The following ADAMTS6 variants were observed in gnomAD, a reference collection of about 807,000 sequenced individuals.
ADAMTS6 encodes the protein ADAM metallopeptidase with thrombospondin type 1 motif 6.
ADAMTS6 carries 23 observed loss-of-function variants against 144.3 expected under a neutral mutation model. That is an observed-to-expected ratio of 0.16 (90% confidence interval 0.11 to 0.23). ADAMTS6 has a LOEUF of 0.23. ADAMTS6 is among the 10% of genes least tolerant of loss of function. The pLI is 1.00. For missense variants in ADAMTS6, 999 were observed against 1,379.6 expected (o/e 0.72, Z 4.37); for synonymous variants, 444 against 457.5 (o/e 0.97, Z 0.38).
At chr5:65,158,611 A>G (rs79533974) in intron 24 of ADAMTS6, among the ~76,000 whole-genome samples, 57 of 152,330 alleles carry the variant, frequency 3.7e-4, no homozygotes, top group Admixed American at 2.6e-3. Flanking sequence ...CAACTGACAT[A>G]TGTACTTCAA....
At position 65,354,433 on chromosome 5, in the gene ADAMTS6, ATAGACT is replaced by A. The variant is rs1402582536; in HGVS notation, c.1074-20354_1074-20349del. ...AATAATGTATATATACATTATCTAG[ATAGACT>A]TAGATAATGTATATAAGCTGTGCAT... On this transcript the variant is annotated intron_variant, in intron 7 of 24. Transcript: ENST00000381055. 2.6e-5 allele frequency among the ~76,000 whole-genome samples: 4 copies of A among 151,778 alleles called. No individual in the cohort carries two copies. The East Asian group carries it at 7.7e-4, about 29-fold the overall frequency.
rs1370929719 is a variant in ADAMTS6, at chr5:65,291,387, T to C, written c.1454A>G (p.Asp485Gly). The part of the protein sequence containing the change: ...YPAVAPGQVY[D>G]ADEQCRFQYG... ...CTGGAAACGACATTGCTCATCAGCATCATACACCTGACCTGGGGCCACAGC... is the reference window on the plus strand; with the variant it reads ...CTGGAAACGACATTGCTCATCAGCACCATACACCTGACCTGGGGCCACAGC... Residue 485 changes from aspartate (D) to glycine (G), a missense_variant, in exon 11 of 25, where the codon GAT becomes GGT. Coordinates refer to ENST00000381055, the MANE Select transcript of ADAMTS6 (RefSeq NM_197941.4). The C allele has an allele frequency of 1.2e-6, 2 of 1,614,064 alleles. No homozygotes were observed. The highest frequency in any genetic ancestry group is 1.7e-6 in the Non-Finnish European group (2 of 1,179,970).
intron 7 of ADAMTS6, among the ~76,000 whole-genome samples, chr5:65,358,562 A>C (rs908558774): frequency 3.9e-5 from 6 of 152,116 alleles, no homozygotes; most frequent in Admixed American, 1.3e-4. Context: ...AAGACCTCAA[A>C]TAGCCACAGC....
At chr5:65,402,693 C>G (rs1206202480) in intron 7 of ADAMTS6, among the ~76,000 whole-genome samples, 1 of 95,048 alleles carries the variant, frequency 1.1e-5, no homozygotes, top group Non-Finnish European at 2.0e-5. Flanking sequence ...TCCAAGGACA[C>G]CCCCCCCCAT....
chr5:65,279,679 T>C (rs1460336564), intron 11 of ADAMTS6, among the ~76,000 whole-genome samples: 4 of 152,224 alleles, frequency 2.6e-5, no homozygotes, highest in African/African-American at 2.4e-5. Flanking sequence ...CTGATTTCTA[T>C]GTCTTTCTTT....
At position 65,246,801 on chromosome 5, in the gene ADAMTS6, T is replaced by C. The variant is rs1272101734; in HGVS notation, c.1831-4595A>G. Among the ~76,000 whole-genome samples, 3 of 152,310 alleles carry C rather than the reference T, an allele frequency of 2.0e-5. No individual in the cohort carries two copies. In the East Asian group the frequency reaches 5.8e-4, roughly 29 times the overall value. Reference sequence around the variant, plus strand: ...TAGAATACATCAGCCAATATTCTGCTTTCCTGATTTCATTCCATCAGGGAA... The same window carrying C: ...TAGAATACATCAGCCAATATTCTGCCTTCCTGATTTCATTCCATCAGGGAA... On this transcript the variant is annotated intron_variant, in intron 14 of 24. Transcript: ENST00000381055.
In ADAMTS6 at chr5:65,259,376, T is replaced by TCAAACAAA. The variant is rs150243891; in HGVS notation, c.1830+1216_1830+1223dup. On this transcript the variant is annotated intron_variant, in intron 14 of 24. Coordinates refer to ENST00000381055, the MANE Select transcript of ADAMTS6 (RefSeq NM_197941.4). ...CTGGCCAACAGAACAAGGCTCTGTC[T>TCAAACAAA]CAAACAAACAAACAAACAAACAAAC... 8.3e-3 allele frequency among the ~76,000 whole-genome samples: 1,241 copies of TCAAACAAA among 149,732 alleles called. 7 individuals are homozygous for TCAAACAAA. Among genetic ancestry groups the TCAAACAAA allele is most frequent in the Admixed American group, 0.012 (172 of 14,952 alleles).
In ADAMTS6 at chr5:65,299,996, G is replaced by C; in HGVS notation, c.1359C>G (p.Thr453=). 2 of 1,613,454 alleles carry C rather than the reference G, an allele frequency of 1.2e-6. No homozygotes were observed. The highest frequency in any genetic ancestry group is 1.7e-6 in the Non-Finnish European group (2 of 1,179,784). The part of the protein sequence containing the change: ...SWSACSRDYI[T]SFLDSGRGTC... ...CAGAGATTACTTACTCTAGAAAGCT[G>C]GTGATGTAGTCTCGACTGCAAGCAG... The change falls in exon 10 of 25, where the codon ACC becomes ACG. Residue 453 remains threonine, a synonymous_variant. Coordinates refer to ENST00000381055, the MANE Select transcript of ADAMTS6 (RefSeq NM_197941.4).
chr5:65,387,520 G>A (rs1305882287), intron 7 of ADAMTS6, among the ~76,000 whole-genome samples: 1 of 152,158 alleles, frequency 6.6e-6, no homozygotes, highest in South Asian at 2.1e-4. Flanking sequence ...CAGATTCATG[G>A]TTGGGTCAAA....
chr5:65,217,692 T>C (rs1181557413), intron 18 of ADAMTS6, among the ~76,000 whole-genome samples: 1 of 152,180 alleles, frequency 6.6e-6, no homozygotes, highest in Non-Finnish European at 1.5e-5. Flanking sequence ...AGACACACTC[T>C]GGATGTACCC....
intron 11 of ADAMTS6, among the ~76,000 whole-genome samples, chr5:65,274,544 G>T (rs988050506): frequency 6.6e-6 from 1 of 151,998 alleles, no homozygotes; most frequent in African/African-American, 2.4e-5. Context: ...ATGAAATATC[G>T]ATGTCACTGG....
chr5:65,395,460 T>C (rs1473557184), intron 7 of ADAMTS6, among the ~76,000 whole-genome samples: 3 of 152,174 alleles, frequency 2.0e-5, no homozygotes, highest in Non-Finnish European at 4.4e-5. Flanking sequence ...AAAGGAAAGT[T>C]AACATATGCA....
chr5:65,155,915 A>C (rs1238207887), intron 24 of ADAMTS6, among the ~76,000 whole-genome samples: 6 of 152,162 alleles, frequency 3.9e-5, no homozygotes, highest in Non-Finnish European at 8.8e-5. Flanking sequence ...CCAGAATAGC[A>C]TCTGAATTAT....
intron 24 of ADAMTS6, among the ~76,000 whole-genome samples, chr5:65,164,336 G>A (rs529075056): frequency 8.6e-5 from 13 of 151,942 alleles, no homozygotes; most frequent in East Asian, 7.7e-4. Context: ...CTTAAAAAAC[G>A]GCGCACCAGG....
chr5:65,208,915 C>T (rs1756303004), intron 20 of ADAMTS6, among the ~76,000 whole-genome samples: 1 of 152,148 alleles, frequency 6.6e-6, no homozygotes, highest in Non-Finnish European at 1.5e-5. Flanking sequence ...ACCAGCAACA[C>T]CTGGAAACTT....
intron 15 of ADAMTS6, among the ~76,000 whole-genome samples, chr5:65,226,992 C>T (rs1268343604): frequency 2.6e-5 from 4 of 152,192 alleles, no homozygotes; most frequent in African/African-American, 9.6e-5. Context: ...TCTGCCACAT[C>T]AAGCAAGGAT....
chr5:65,460,709 G>A (rs1444176757), intron 3 of ADAMTS6, among the ~76,000 whole-genome samples: 3 of 152,072 alleles, frequency 2.0e-5, no homozygotes, highest in African/African-American at 4.8e-5. Flanking sequence ...ATTGAGTTTT[G>A]CACAATAAAA....
intron 9 of ADAMTS6, among the ~76,000 whole-genome samples, chr5:65,318,521 T>C (rs1220607907): frequency 1.3e-5 from 2 of 152,098 alleles, no homozygotes; most frequent in African/African-American, 4.8e-5. Context: ...ATCTGGTACA[T>C]ATACATAACA....
intron 14 of ADAMTS6, among the ~76,000 whole-genome samples, chr5:65,245,232 A>G (rs1385812657): frequency 6.6e-6 from 1 of 152,086 alleles, no homozygotes; most frequent in East Asian, 1.9e-4. Flanking sequence ...AAACCCTGAA[A>G]GCTCCACTTC....
Sources: gnomAD v4.1 joint callset for allele counts (sites outside exome capture counted in the v4.1 genomes callset) on GRCh38, gnomAD v4.1.1 for gene constraint, MANE v1.5 for transcripts, NCBI Gene and HGNC (gene_info 2026-07-23, HGNC 2026-07-21) for gene names.